PLA2G5: variants seen among roughly 807,000 people sequenced by gnomAD.
PLA2G5 encodes phospholipase A2 group V.
A neutral mutation model predicts 15.9 loss-of-function variants in PLA2G5; 12 were observed. That is an observed-to-expected ratio of 0.76 (90% CI 0.48 to 1.23). The LOEUF is 1.23. Ranked by LOEUF, PLA2G5 falls within the 50% of genes most tolerant of loss-of-function variation. PLA2G5 has a pLI of 0.00. For missense variants in PLA2G5, 169 were observed against 177.1 expected, an observed-to-expected ratio of 0.95 and a Z score of 0.26; for synonymous variants, 71 against 71.4, an observed-to-expected ratio of 0.99 and a Z score of 0.03.
rs953445301 is a variant in PLA2G5 at position 20,091,330 on chromosome 1, T to G, written c.*638T>G. ...GCTTCAGGCTTTCTCTTGGGCTAAT[T>G]TTCTTACACCTTGGGGTCCTCTCCA... On this transcript the variant is annotated 3_prime_UTR_variant, in exon 5 of 5. Transcript: ENST00000375108. The G allele has an allele frequency of 6.6e-6, 1 of 152,276 alleles. No individual in the cohort carries two copies. The allele number at this position is 152,276 out of a possible 1,614,324, so 9.4% of individuals were successfully genotyped here. A position where few individuals can be genotyped will look rare whatever the true frequency, so the allele number is the denominator to read the frequency against.
In PLA2G5 at chr1:20,089,847, C is replaced by T; in HGVS notation, c.244C>T (p.Arg82Cys). Residue 82 changes from arginine (R) to cysteine (C), a missense_variant, in exon 4 of 5, where the codon CGC becomes TGC. Coordinates refer to ENST00000375108, the MANE Select transcript of PLA2G5 (RefSeq NM_000929.3). ...GCTGGAGGAGAAGGGCTGCAACATT[C>T]GCACACAGTCCTACAAATACAGATT... ...GRLEEKGCNI[R>C]TQSYKYRFAW... is the part of the protein sequence containing the mutation. The T allele has an allele frequency of 6.2e-7, 1 of 1,614,092 alleles. No individual in the cohort carries two copies. The highest frequency in any genetic ancestry group is 1.1e-5 in the South Asian group (1 of 91,072).
chr1:20,063,671 T>C (rs1227711549), intron 2 of PLA2G5: 2 of 152,196 alleles, frequency 1.3e-5, no homozygotes. Context: ...GGCCCTGATT[T>C]GGAATGAATA....
Position 20,070,339 on chromosome 1 carries a change from G to A in PLA2G5, c.-137G>A, listed in dbSNP as rs1254147290. On this transcript the variant is annotated 5_prime_UTR_variant, in exon 1 of 5. An upstream start codon of the reference 5' UTR is lost. Transcript: ENST00000375108. The stretch of plus-strand genomic sequence containing the variant: ...AGAATTTGACTCCCCCCGGATCCAT[G>A]GTCTGTGGATACCAATGTTCCGACT... 2 of 985,370 alleles carry A rather than the reference G, an allele frequency of 2.0e-6. No homozygotes were observed. The highest frequency in any genetic ancestry group is 6.1e-5 in the Admixed American group (1 of 16,270). 61.0% of individuals were successfully genotyped at this position (985,370 alleles called of 1,614,324 possible). A position where few individuals can be genotyped will look rare whatever the true frequency, so the allele number is the denominator to read the frequency against.
chr1:20,055,499 A>G lies in PLA2G5; in HGVS notation n.277-4133A>G, dbSNP rs556097146. Among the ~76,000 whole-genome samples, 24 of 152,292 alleles carry G rather than the reference A, an allele frequency of 1.6e-4. No individual in the cohort carries two copies. In the East Asian group the frequency reaches 3.3e-3, roughly 21 times the overall value. On this transcript the variant is annotated intron_variant and non_coding_transcript_variant, in intron 1 of 6. Coordinates refer to the PLA2G5 transcript ENST00000460175. ...TACTGCCCACTGGTCTTGATGACCA[A>G]CTACAGCTCTGGCCCACCACCTGAT...
At position 20,091,346 on chromosome 1, in the gene PLA2G5, G is replaced by A. The variant is rs562946599; in HGVS notation, c.*654G>A. 6.6e-6 allele frequency among the ~76,000 whole-genome samples: 1 copy of A among 152,322 alleles called. No homozygotes were observed. The highest frequency in any genetic ancestry group is 2.1e-4 in the South Asian group (1 of 4,822). On this transcript the variant is annotated 3_prime_UTR_variant, in exon 5 of 5. Transcript: ENST00000375108. Reference sequence around the variant, plus strand: ...TGGGCTAATTTTCTTACACCTTGGGGTCCTCTCCAGTATTGGGTCTCATTC... The same window carrying A: ...TGGGCTAATTTTCTTACACCTTGGGATCCTCTCCAGTATTGGGTCTCATTC...
At chr1:20,051,509 T>G (rs1433766402) in intron 1 of PLA2G5, among the ~76,000 whole-genome samples, 4 of 152,232 alleles carry the variant, frequency 2.6e-5, no homozygotes, top group African/African-American at 9.6e-5. Context: ...TTTTAACAAT[T>G]TAGTATACTC....
chr1:20,051,775 C>T (rs567665579), intron 1 of PLA2G5, among the ~76,000 whole-genome samples: 1 of 152,220 alleles, frequency 6.6e-6, no homozygotes, highest in Non-Finnish European at 1.5e-5. Context: ...GGAAAACTGG[C>T]CTCATACCTA....
intron 2 of PLA2G5, among the ~76,000 whole-genome samples, chr1:20,062,965 A>C (rs1461478238): frequency 6.6e-6 from 1 of 152,150 alleles, no homozygotes; most frequent in African/African-American, 2.4e-5. Context: ...TCTAGAGCCC[A>C]GGCTTTACTA....
chr1:20,047,553 A>C (rs1285614309), intron 1 of PLA2G5, among the ~76,000 whole-genome samples: 1 of 152,082 alleles, frequency 6.6e-6, no homozygotes, highest in Non-Finnish European at 1.5e-5. Flanking sequence ...AGAGTTCATA[A>C]GTTCTCTTTT....
At chr1:20,043,268 A>T (rs1159724723) in intron 1 of PLA2G5, among the ~76,000 whole-genome samples, 1 of 152,212 alleles carries the variant, frequency 6.6e-6, no homozygotes, top group Non-Finnish European at 1.5e-5. Context: ...AATTTGGTTG[A>T]TAAGGTGGAG....
chr1:20,033,438 T>C (rs1255370962), intron 1 of PLA2G5, among the ~76,000 whole-genome samples: 3 of 152,290 alleles, frequency 2.0e-5, no homozygotes, highest in South Asian at 2.1e-4. Flanking sequence ...ATAAGACATA[T>C]ACCTGCTATA....
chr1:20,041,249 T>A (rs1557725326), intron 1 of PLA2G5, among the ~76,000 whole-genome samples: 1 of 152,100 alleles, frequency 6.6e-6, no homozygotes, highest in African/African-American at 2.4e-5. Context: ...AATAGAACAA[T>A]TTGCTGAGGT....
intron 1 of PLA2G5, among the ~76,000 whole-genome samples, chr1:20,045,365 C>T (rs1203442912): frequency 6.6e-6 from 1 of 151,900 alleles, no homozygotes; most frequent in Non-Finnish European, 1.5e-5. Context: ...AGCATCCCTG[C>T]GGTGATCAGA....
chr1:20,074,275 G>T (rs779065027), intron 1 of PLA2G5, among the ~76,000 whole-genome samples: 14 of 152,132 alleles, frequency 9.2e-5, no homozygotes, highest in Non-Finnish European at 1.5e-4. Flanking sequence ...CTTCTCTCAT[G>T]CTGGTCATTG....
intron 3 of PLA2G5, 105 bp from the exon 4 acceptor site, chr1:20,089,684 A>G: frequency 1.3e-6 from 1 of 797,952 alleles, no homozygotes; most frequent in East Asian, 2.7e-5. Context: ...CGCGTCCACC[A>G]AGGTGGCCTC....
rs565437241 is a variant in PLA2G5, at chr1:20,041,800, G to A, written n.276+13091G>A. 3.9e-5 allele frequency among the ~76,000 whole-genome samples: 6 copies of A among 152,268 alleles called. No individual in the cohort carries two copies. The South Asian group carries it at 1.2e-3, about 32-fold the overall frequency. The stretch of plus-strand genomic sequence containing the variant: ...ATCGATTGGTGGAAGTTTCAGTGGG[G>A]GAGTAGGTGGGAGTGACCAAAGAGA... On this transcript the variant is annotated intron_variant and non_coding_transcript_variant, in intron 1 of 6. Transcript: ENST00000460175.
intron 1 of PLA2G5, among the ~76,000 whole-genome samples, chr1:20,082,235 A>G (rs11573256): frequency 0.058 from 8,789 of 151,886 alleles, 421 homozygotes; most frequent in East Asian, 0.21. Flanking sequence ...GGTTTTATAC[A>G]TGGCATACTT....
At chr1:20,055,840 G>A (rs908082011) in intron 1 of PLA2G5, among the ~76,000 whole-genome samples, 2 of 152,080 alleles carry the variant, frequency 1.3e-5, no homozygotes, top group Non-Finnish European at 1.5e-5. Flanking sequence ...TGACCTATAC[G>A]TGTAGTAAGT....
intron 1 of PLA2G5, among the ~76,000 whole-genome samples, chr1:20,028,959 A>T (rs2012722321): frequency 6.6e-6 from 1 of 152,160 alleles, no homozygotes; most frequent in Admixed American, 6.5e-5. Context: ...GTGTCTAGGG[A>T]TGAGTGTTTA....
Sources: allele counts gnomAD v4.1 joint callset (sites outside exome capture counted in the v4.1 genomes callset), GRCh38; gene constraint gnomAD v4.1.1; transcripts MANE v1.5; gene names NCBI Gene and HGNC (gene_info 2026-07-23, HGNC 2026-07-21).